Variants in SLC25A24 observed in about 807,000 individuals in gnomAD.
SLC25A24 encodes the protein solute carrier family 25 member 24.
In SLC25A24, 49 loss-of-function variants were observed where a neutral mutation model predicts 60.7. The ratio of observed to expected loss-of-function variants is 0.81; its 90% CI spans 0.64 to 1.02. The LOEUF (loss-of-function observed/expected upper bound fraction) is 1.02, where lower values mean the gene tolerates loss of function less well. Ranked by LOEUF, SLC25A24 falls within the 50% of genes least tolerant of loss-of-function variation. The probability of loss-of-function intolerance (pLI) is 0.00; values close to 1 mark genes in which losing one functional copy is unlikely to be tolerated. For synonymous variants in SLC25A24, 202 were observed against 200.6 expected (o/e 1.01, Z -0.06); for missense variants, 564 against 586.3 (o/e 0.96, Z 0.39).
intron 1 of SLC25A24, among the ~76,000 whole-genome samples, chr1:108,188,112 G>A (rs906676699): frequency 3.3e-5 from 5 of 151,662 alleles, no homozygotes; most frequent in Non-Finnish European, 5.9e-5. Context: ...TATCCTAAGC[G>A]AATCAACGCA....
chr1:108,189,712 A>T (rs1648278184), intron 1 of SLC25A24, among the ~76,000 whole-genome samples: 1 of 151,420 alleles, frequency 6.6e-6, no homozygotes, highest in Non-Finnish European at 1.5e-5. Context: ...GCTACTCCGG[A>T]GGTTGAGGCA....
chr1:108,143,431 T>C, intron 8 of SLC25A24, 112 bp downstream of exon 8: 1 of 881,100 alleles, frequency 1.1e-6, no homozygotes, highest in Non-Finnish European at 1.7e-6. Flanking sequence ...CATGCTTGAA[T>C]TTACTTCTGG....
In SLC25A24 at chr1:108,160,465, A is replaced by G. The variant is rs1281222617; in HGVS notation, c.510+717T>C. ...GGCAGAGACACTCCTCACTTTCCAG[A>G]CTGGGCAGCCAGGCAGAGGGGCTCC... On this transcript the variant is annotated intron_variant, in intron 4 of 9. Transcript: ENST00000565488. Among the ~76,000 whole-genome samples the G allele has an allele frequency of 1.2e-4, 17 of 147,144 alleles. 1 individual carries two copies. Among genetic ancestry groups the G allele is most frequent in the Non-Finnish European group, 2.1e-4 (14 of 67,108 alleles).
At chr1:108,196,975 C>T (rs988682721) in intron 1 of SLC25A24, among the ~76,000 whole-genome samples, 4 of 152,206 alleles carry the variant, frequency 2.6e-5, no homozygotes, top group African/African-American at 7.2e-5. Context: ...ATTCTACTCT[C>T]AGTCTATACC....
intron 2 of SLC25A24, among the ~76,000 whole-genome samples, chr1:108,185,223 G>T (rs1571307479): frequency 6.6e-6 from 1 of 152,288 alleles, no homozygotes; most frequent in African/African-American, 2.4e-5. Flanking sequence ...TACCCAGTCT[G>T]TGGTACTCCA....
chr1:108,167,703 G>C (rs971335610), intron 3 of SLC25A24, among the ~76,000 whole-genome samples: 1 of 152,212 alleles, frequency 6.6e-6, no homozygotes, highest in Non-Finnish European at 1.5e-5. Context: ...GCACTCCCTA[G>C]TGAGATGAAC....
rs868847001 is a variant in SLC25A24, at chr1:108,139,126, A to C, written c.1181T>G (p.Leu394Ter). 2 of 1,611,134 alleles carry C rather than the reference A, an allele frequency of 1.2e-6. No individual in the cohort carries two copies. The highest frequency in any genetic ancestry group is 3.4e-5 in the Admixed American group (2 of 59,556). Reference sequence around the variant, plus strand: ...GGCCAGCTGACCACAGGTGCTGGATAAGGCACCGCATCCCAGCAACACCAT... The same window carrying C: ...GGCCAGCTGACCACAGGTGCTGGATCAGGCACCGCATCCCAGCAACACCAT... ...GVMVLLGCGA[L>*]SSTCGQLASY... is the part of the protein sequence containing the mutation. The change falls in exon 9 of 10, where the codon TTA (leucine) becomes TGA (stop). Residue 394 changes from leucine (L) to a stop codon, truncating the protein, a stop_gained. Coordinates refer to ENST00000565488, the MANE Select transcript of SLC25A24 (RefSeq NM_013386.5). LOFTEE classifies it high-confidence loss of function.
intron 4 of SLC25A24, among the ~76,000 whole-genome samples, chr1:108,160,196 C>A (rs900379116): frequency 2.6e-5 from 4 of 151,654 alleles, no homozygotes; most frequent in African/African-American, 9.7e-5. Flanking sequence ...CCTCACTTCT[C>A]AGACGGGGCG....
At position 108,185,897 on chromosome 1, in the gene SLC25A24, TAAATTCTTCA is replaced by T; in HGVS notation, c.231_240del (p.Phe77LeufsTer2). 2.5e-6 allele frequency: 4 copies of T among 1,597,354 alleles called. No individual in the cohort carries two copies. The highest frequency in any genetic ancestry group is 3.4e-6 in the Non-Finnish European group (4 of 1,168,038). On this transcript the variant is annotated frameshift_variant, in exon 2 of 10. Coordinates refer to ENST00000565488, the MANE Select transcript of SLC25A24 (RefSeq NM_013386.5). LOFTEE classifies it high-confidence loss of function. ...TTCTCATGGTCTTTAAGGTACTTCA[TAAATTCTTCA>T]AAATCCAGCTTCCCATCTTTGTTGA... is the stretch of plus-strand genomic sequence containing the variant.
chr1:108,172,086 G>T (rs540380517), intron 3 of SLC25A24, among the ~76,000 whole-genome samples: 1 of 152,320 alleles, frequency 6.6e-6, no homozygotes, highest in South Asian at 2.1e-4. Flanking sequence ...ATATGAAAAT[G>T]AGAGTAAACA....
chr1:108,150,414 A>G (rs748890423), intron 6 of SLC25A24, among the ~76,000 whole-genome samples: 3 of 152,176 alleles, frequency 2.0e-5, no homozygotes, highest in Non-Finnish European at 2.9e-5. Flanking sequence ...ACAGAACTGA[A>G]CCTTCCTAAA....
chr1:108,164,778 T>TG (rs540436814), intron 3 of SLC25A24, among the ~76,000 whole-genome samples: 1 of 96,866 alleles, frequency 1.0e-5, no homozygotes, highest in Non-Finnish European at 2.1e-5. Flanking sequence ...GAAGGGTTTT[T>TG]TGTCTCTATT....
chr1:108,191,365 A>G (rs1195178451), intron 1 of SLC25A24, among the ~76,000 whole-genome samples: 1 of 139,990 alleles, frequency 7.1e-6, no homozygotes, highest in African/African-American at 2.5e-5. Flanking sequence ...CCTGACCCCA[A>G]GTGATCCACC....
chr1:108,163,541 T>G (rs1225219400), intron 3 of SLC25A24, among the ~76,000 whole-genome samples: 3 of 152,094 alleles, frequency 2.0e-5, no homozygotes, highest in Admixed American at 6.5e-5. Context: ...CTAGGTATTT[T>G]ATTCTCTTTG....
chr1:108,147,768 C>T (rs762866302), intron 7 of SLC25A24, among the ~76,000 whole-genome samples: 8 of 152,132 alleles, frequency 5.3e-5, no homozygotes, highest in Non-Finnish European at 1.0e-4. Context: ...AAAGTGACCC[C>T]CAGTGATATT....
intron 7 of SLC25A24, among the ~76,000 whole-genome samples, chr1:108,145,046 A>G (rs1347220516): frequency 1.3e-5 from 2 of 152,186 alleles, no homozygotes. Flanking sequence ...CACTCCCACC[A>G]ACAGTGTAAA....
rs202207119 is a variant in SLC25A24 at position 108,175,689 on chromosome 1, C to CA, written c.398+6251dup. On this transcript the variant is annotated intron_variant, in intron 3 of 9. Transcript: ENST00000565488. ...GGGATGACAGAGCAAGACCCTTTCT[C>CA]AAAAAAAAAATAAAAATCAAAAAAT... is the stretch of plus-strand genomic sequence containing the variant. 7.8e-3 allele frequency among the ~76,000 whole-genome samples: 1,131 copies of CA among 145,132 alleles called. 7 individuals are homozygous for CA. Among genetic ancestry groups the CA allele is most frequent in the Non-Finnish European group, 0.013 (852 of 66,128 alleles).
intron 8 of SLC25A24, among the ~76,000 whole-genome samples, chr1:108,142,088 G>A (rs1354551955): frequency 2.0e-5 from 3 of 152,108 alleles, no homozygotes; most frequent in East Asian, 1.9e-4. Context: ...CTAAGAGGAC[G>A]GCCATAATAA....
Position 108,155,061 on chromosome 1 carries a change from G to A in SLC25A24, c.744C>T (p.Arg248=), listed in dbSNP as rs1679857544. Residue 248 remains arginine (R), a synonymous_variant, in exon 6 of 10, where the codon CGC becomes CGT. Coordinates refer to ENST00000565488, the MANE Select transcript of SLC25A24 (RefSeq NM_013386.5). ...FRQMVKEGGI[R]SLWRGNGTNV... ...TTGTACCATTTCCCCTCCAAAGCGA[G>A]CGGATACCTCCTTCTTTTACCATCT... 3 of 1,612,790 alleles carry A rather than the reference G, an allele frequency of 1.9e-6. No homozygotes were observed. Among genetic ancestry groups the A allele is most frequent in the East Asian group, 2.2e-5 (1 of 44,774 alleles).
Sources: gnomAD v4.1 joint callset for allele counts (sites outside exome capture counted in the v4.1 genomes callset) on GRCh38, gnomAD v4.1.1 for gene constraint, MANE v1.5 for transcripts, NCBI Gene and HGNC (gene_info 2026-07-23, HGNC 2026-07-21) for gene names.